Variants in GALNT10 observed in about 807,000 individuals in gnomAD.
GALNT10 encodes polypeptide N-acetylgalactosaminyltransferase 10.
In GALNT10, 41 loss-of-function variants were observed where a neutral mutation model predicts 75.0. The observed-to-expected ratio is 0.55, with a 90% CI of 0.43 to 0.71. GALNT10 has a LOEUF of 0.71. GALNT10 is among the 30% of genes least tolerant of loss of function. GALNT10 has a pLI of 0.00. For synonymous variants in GALNT10, 302 were observed against 313.0 expected (o/e 0.96, Z 0.37); for missense variants, 727 against 818.5 (o/e 0.89, Z 1.36).
At chr5:154,407,373 G>C (rs1437079868) in intron 8 of GALNT10, among the ~76,000 whole-genome samples, 1 of 152,204 alleles carries the variant, frequency 6.6e-6, no homozygotes, top group South Asian at 2.1e-4. Flanking sequence ...ACAGTGAACT[G>C]TAGCAAAAAA....
intron 1 of GALNT10, among the ~76,000 whole-genome samples, chr5:154,207,865 G>A (rs766919710): frequency 2.0e-5 from 3 of 152,190 alleles, no homozygotes; most frequent in Non-Finnish European, 4.4e-5. Context: ...TCCATCCTCA[G>A]TTCCCAGGAG....
At chr5:154,339,867 G>C (rs931117427) in intron 4 of GALNT10, among the ~76,000 whole-genome samples, 1 of 152,154 alleles carries the variant, frequency 6.6e-6, no homozygotes, top group Non-Finnish European at 1.5e-5. Flanking sequence ...ACACAAGACT[G>C]GGGAACCTTG....
At chr5:154,342,994 T>C (rs1197554297) in intron 4 of GALNT10, among the ~76,000 whole-genome samples, 1 of 152,160 alleles carries the variant, frequency 6.6e-6, no homozygotes, top group Non-Finnish European at 1.5e-5. Flanking sequence ...GCCACGTGTG[T>C]TTTATGTGAC....
chr5:154,354,834 C>T (rs1392103684), intron 4 of GALNT10, among the ~76,000 whole-genome samples: 1 of 152,156 alleles, frequency 6.6e-6, no homozygotes, highest in African/African-American at 2.4e-5. Context: ...GCTCTTATAG[C>T]CCCAGGCATG....
chr5:154,254,619 A>G (rs1209061534), intron 1 of GALNT10, among the ~76,000 whole-genome samples: 1 of 151,586 alleles, frequency 6.6e-6, no homozygotes, highest in Non-Finnish European at 1.5e-5. Context: ...TCTTTGAAAA[A>G]AGTCTGTAGC....
At chr5:154,194,019 C>A (rs6868044) in intron 1 of GALNT10, among the ~76,000 whole-genome samples, 50,168 of 151,988 alleles carry the variant, frequency 0.33, 8,812 homozygotes, top group African/African-American at 0.43. Flanking sequence ...TCATTCCAAG[C>A]CCCAATCTGT....
At chr5:154,343,305 T>A (rs1464530731) in intron 4 of GALNT10, among the ~76,000 whole-genome samples, 2 of 152,026 alleles carry the variant, frequency 1.3e-5, no homozygotes, top group Non-Finnish European at 2.9e-5. Flanking sequence ...AGTCCCCTCA[T>A]TTTTCAGTAG....
In GALNT10 at chr5:154,376,332, T is replaced by G. The variant is rs1408120667; in HGVS notation, c.624T>G (p.Ile208Met). The G allele has an allele frequency of 6.2e-7, 1 of 1,612,582 alleles. No individual in the cohort carries two copies. The highest frequency in any genetic ancestry group is 1.7e-5 in the Admixed American group (1 of 59,762). Residue 208 changes from isoleucine (I) to methionine (M), a missense_variant, in exon 5 of 12, where the codon ATT (isoleucine) becomes ATG (methionine). Physicochemically the swap from Ile to Met is conservative, Grantham distance 10 (BLOSUM62 1). Transcript: ENST00000297107. The surrounding 1 kb of genome is among the most constrained non-coding windows in gnomAD (Gnocchi z 4.1). ...DYMALFPSVR[I>M]LRTKKREGLI... ...TGGCCCTTTTCCCCAGTGTGAGGATTCTTCGAACCAAGAAACGGGAAGGGC... is the reference window on the plus strand; with the variant it reads ...TGGCCCTTTTCCCCAGTGTGAGGATGCTTCGAACCAAGAAACGGGAAGGGC...
intron 1 of GALNT10, among the ~76,000 whole-genome samples, chr5:154,200,217 A>C (rs1775005029): frequency 6.6e-6 from 1 of 152,216 alleles, no homozygotes. Flanking sequence ...CAGCCGTGCC[A>C]GGGCAGGGAT....
intron 4 of GALNT10, among the ~76,000 whole-genome samples, chr5:154,369,727 C>A (rs1388214468): frequency 6.6e-6 from 1 of 152,186 alleles, no homozygotes; most frequent in Non-Finnish European, 1.5e-5. Context: ...TTTGACAAGA[C>A]CCGGGACACC....
At chr5:154,386,110 G>A (rs930993089) in intron 6 of GALNT10, among the ~76,000 whole-genome samples, 1 of 152,236 alleles carries the variant, frequency 6.6e-6, no homozygotes, top group African/African-American at 2.4e-5. Flanking sequence ...GTCCCATTTG[G>A]TTAAAATGTA....
chr5:154,287,141 G>A (rs1324130744), intron 1 of GALNT10, among the ~76,000 whole-genome samples: 1 of 152,220 alleles, frequency 6.6e-6, no homozygotes, highest in Admixed American at 6.5e-5. Context: ...TTAATTGAAA[G>A]TGGAAAGGTA....
At chr5:154,326,797 G>T (rs1460032419) in intron 3 of GALNT10, among the ~76,000 whole-genome samples, 4 of 152,162 alleles carry the variant, frequency 2.6e-5, no homozygotes, top group African/African-American at 9.7e-5. Flanking sequence ...TAGGAGTGAT[G>T]AAAATGTTGT....
intron 1 of GALNT10, among the ~76,000 whole-genome samples, chr5:154,268,110 G>T (rs1257664923): frequency 1.3e-5 from 2 of 152,168 alleles, no homozygotes; most frequent in Non-Finnish European, 2.9e-5. Flanking sequence ...CAGGTTTGCA[G>T]CTTGAGCAGT....
intron 1 of GALNT10, among the ~76,000 whole-genome samples, chr5:154,228,933 C>T (rs914498359): frequency 9.2e-5 from 14 of 152,152 alleles, no homozygotes; most frequent in Admixed American, 5.2e-4. Context: ...TTTGTCCATG[C>T]GTTTTAAAAA....
chr5:154,277,794 A>G (rs537654162), intron 1 of GALNT10, among the ~76,000 whole-genome samples: 2 of 152,326 alleles, frequency 1.3e-5, no homozygotes, highest in South Asian at 4.1e-4. Flanking sequence ...GGTACTCATT[A>G]TCAACACCCA....
At chr5:154,305,610 A>T (rs1754422970) in intron 3 of GALNT10, among the ~76,000 whole-genome samples, 1 of 152,364 alleles carries the variant, frequency 6.6e-6, no homozygotes, top group Admixed American at 6.5e-5. Flanking sequence ...TATTACCAGG[A>T]ATAAAGAAAG....
chr5:154,395,240 T>G (rs999659123), intron 7 of GALNT10, among the ~76,000 whole-genome samples: 1 of 152,224 alleles, frequency 6.6e-6, no homozygotes, highest in Admixed American at 6.5e-5. Context: ...ACTCAATAAG[T>G]GGCAGCTGTT....
intron 4 of GALNT10, among the ~76,000 whole-genome samples, chr5:154,367,814 C>T (rs945208634): frequency 2.7e-5 from 4 of 150,656 alleles, no homozygotes; most frequent in Non-Finnish European, 5.9e-5. Flanking sequence ...GCCGAGATCG[C>T]GCCCCTGCAC....
Sources: allele counts gnomAD v4.1 joint callset (sites outside exome capture counted in the v4.1 genomes callset), GRCh38; gene constraint gnomAD v4.1.1; non-coding constraint Gnocchi (gnomAD v3.1); transcripts MANE v1.5; gene names NCBI Gene and HGNC (gene_info 2026-07-23, HGNC 2026-07-21).